The following OTUD4 variants were observed in gnomAD, a reference collection of about 807,000 sequenced individuals.
The protein encoded by OTUD4 is OTU domain-containing protein 4.
In OTUD4, 24 loss-of-function variants were observed where a neutral mutation model predicts 130.4. That is an observed-to-expected ratio of 0.18 (90% CI 0.13 to 0.26). The LOEUF (loss-of-function observed/expected upper bound fraction) is 0.26, where lower values mean the gene tolerates loss of function less well. Ranked by LOEUF, OTUD4 falls within the 10% of genes least tolerant of loss-of-function variation. OTUD4 has a pLI of 1.00. For synonymous variants in OTUD4, 420 were observed against 472.5 expected, an observed-to-expected ratio of 0.89 and a Z score of 1.44; for missense variants, 1,031 against 1,329.4, an observed-to-expected ratio of 0.78 and a Z score of 3.49.
chr4:145,144,785 T>C (rs530115419), intron 14 of OTUD4, among the ~76,000 whole-genome samples: 7 of 152,270 alleles, frequency 4.6e-5, no homozygotes, highest in East Asian at 3.9e-4. Flanking sequence ...AAAAAAATCA[T>C]TGTAGCGCCA....
Position 145,155,180 on chromosome 4 carries a change from T to C in OTUD4, c.873+231A>G, listed in dbSNP as rs530855115. ...GTAATACCAAAGGCTGAATTGTTTT[T>C]AAAGATCATGTGATGGGATGCCACG... On this transcript the variant is annotated intron_variant, in intron 10 of 20. Coordinates refer to ENST00000447906, the MANE Select transcript of OTUD4 (RefSeq NM_001366057.1). Among the ~76,000 whole-genome samples, 40 of 152,348 alleles carry C rather than the reference T, an allele frequency of 2.6e-4. No individual in the cohort carries two copies. In the South Asian group the frequency reaches 8.3e-3, roughly 32 times the overall value.
At chr4:145,161,319 G>A (rs987979331) in intron 6 of OTUD4, among the ~76,000 whole-genome samples, 3 of 152,148 alleles carry the variant, frequency 2.0e-5, no homozygotes, top group Non-Finnish European at 4.4e-5. Context: ...GAGGTGTCCA[G>A]ATTGTGACTA....
In OTUD4 at chr4:145,155,452, T is replaced by C. The variant is rs555763808; in HGVS notation, c.832A>G (p.Ile278Val). The change falls in exon 10 of 21, where the codon ATT becomes GTT. Residue 278 changes from isoleucine (I) to valine (V), a missense_variant. By Grantham distance (29) the Ile-to-Val change is conservative. This residue lies in a region of OTUD4 where 900 missense variants were observed against 1,095.9 expected (regional missense o/e 0.82). Transcript: ENST00000447906. ...KQAQQKRDYS[I>V]AAGLQYEVGD... is the part of the protein sequence containing the mutation. ...ACTTCATATTGTAAGCCAGCAGCAA[T>C]GGAATAATCACGTTTTTGCTGAGCT... 3.7e-5 allele frequency: 60 copies of C among 1,610,660 alleles called. 1 individual carries two copies. The South Asian group carries it at 6.5e-4, about 18-fold the overall frequency.
chr4:145,171,861 C>A, intron 2 of OTUD4, 141 bp from the exon 3 acceptor site: 2 of 620,236 alleles, frequency 3.2e-6, no homozygotes, highest in Admixed American at 3.2e-5. Flanking sequence ...AAAATATGTA[C>A]ATAATCTAAT....
chr4:145,152,896 TTC>T (rs1491175067), intron 10 of OTUD4, among the ~76,000 whole-genome samples: 6 of 151,566 alleles, frequency 4.0e-5, no homozygotes, highest in African/African-American at 1.2e-4. Context: ...TTTTTTTTTT[TTC>T]TTTTTTTTGT....
intron 6 of OTUD4, among the ~76,000 whole-genome samples, chr4:145,160,799 C>G (rs907031413): frequency 6.6e-6 from 1 of 151,888 alleles, no homozygotes; most frequent in Non-Finnish European, 1.5e-5. Flanking sequence ...GGTGACAGAG[C>G]GAGACCCTGT....
At chr4:145,149,554 C>A (rs1194990611) in intron 13 of OTUD4, 1 of 152,136 alleles carries the variant, frequency 6.6e-6, no homozygotes, top group Non-Finnish European at 1.5e-5. Flanking sequence ...TAGCCAACTA[C>A]AGTAGTGAGA....
At chr4:145,176,406 C>T (rs1307591735) in intron 1 of OTUD4, among the ~76,000 whole-genome samples, 1 of 151,716 alleles carries the variant, frequency 6.6e-6, no homozygotes, top group Non-Finnish European at 1.5e-5. Context: ...CAGATCCTGG[C>T]CGGGCACTGT....
In OTUD4 at chr4:145,171,756, C is replaced by T. The variant is rs141328842; in HGVS notation, c.244-36G>A. 1,057 of 919,196 alleles carry T rather than the reference C, an allele frequency of 1.1e-3. 11 individuals are homozygous for T. In the African/African-American group the frequency reaches 0.016, roughly 13 times the overall value. The allele number at this position is 919,196 out of a possible 1,614,324, so 56.9% of individuals were successfully genotyped here. A position where few individuals can be genotyped will look rare whatever the true frequency, so the allele number is the denominator to read the frequency against. ...TAAATCTATTAGAAATGTCATCTAACATATATGCCAAAACAGTTAACCGCT... is the reference window on the plus strand; with the variant it reads ...TAAATCTATTAGAAATGTCATCTAATATATATGCCAAAACAGTTAACCGCT... On this transcript the variant is annotated intron_variant, in intron 2 of 20. Coordinates refer to ENST00000447906, the MANE Select transcript of OTUD4 (RefSeq NM_001366057.1).
At chr4:145,156,098 A>G in intron 7 of OTUD4, 102 bp from the exon 8 acceptor site, 1 of 848,444 alleles carries the variant, frequency 1.2e-6, no homozygotes, top group Non-Finnish European at 1.9e-6. Flanking sequence ...TATGCTCCAA[A>G]AAGAGCTATA....
At chr4:145,172,173 G>T (rs1474854299) in intron 2 of OTUD4, among the ~76,000 whole-genome samples, 1 of 152,228 alleles carries the variant, frequency 6.6e-6, no homozygotes, top group African/African-American at 2.4e-5. Flanking sequence ...GCCCAGGCAG[G>T]ACTTGAAGGC....
chr4:145,165,297 C>T (rs1751792675), intron 3 of OTUD4, 100 bp from the exon 4 acceptor site: 1 of 672,860 alleles, frequency 1.5e-6, no homozygotes, highest in African/African-American at 1.8e-5. Flanking sequence ...GTAATGAGTT[C>T]TTAAAGCTCA....
At position 145,133,708 on chromosome 4, in the gene OTUD4, T is replaced by A. The variant is rs1402539807; in HGVS notation, c.*3722A>T. The A allele has an allele frequency of 1.3e-5, 2 of 152,596 alleles. No individual in the cohort carries two copies. Among genetic ancestry groups the A allele is most frequent in the African/African-American group, 4.8e-5 (2 of 41,444 alleles). The allele number at this position is 152,596 out of a possible 1,614,324, so 9.5% of individuals were successfully genotyped here. On this transcript the variant is annotated 3_prime_UTR_variant, in exon 21 of 21. Coordinates refer to ENST00000447906, the MANE Select transcript of OTUD4 (RefSeq NM_001366057.1). Reference sequence around the variant, plus strand: ...TTATATATAATGCAGCATCACACCATGTAGGGCATTTACTCTTATTTTATA... The same window carrying A: ...TTATATATAATGCAGCATCACACCAAGTAGGGCATTTACTCTTATTTTATA...
intron 6 of OTUD4, among the ~76,000 whole-genome samples, chr4:145,162,427 G>A (rs1050213659): frequency 2.0e-5 from 3 of 151,570 alleles, no homozygotes; most frequent in East Asian, 1.9e-4. Flanking sequence ...TGTGGCGGGC[G>A]CCCGTAGTCC....
rs1183975453 is a variant in OTUD4 at position 145,133,801 on chromosome 4, A to G, written c.*3629T>C. 6.6e-6 allele frequency: 1 copy of G among 152,664 alleles called. No individual in the cohort carries two copies. The highest frequency in any genetic ancestry group is 2.4e-5 in the African/African-American group (1 of 41,464). The allele number at this position is 152,664 out of a possible 1,614,324, so 9.5% of individuals were successfully genotyped here. On this transcript the variant is annotated 3_prime_UTR_variant, in exon 21 of 21. Transcript: ENST00000447906. Reference sequence around the variant, plus strand: ...AACATAGAAAAATAAACAGGAATATATTCAACACTTACAAAAAGTGATATG... The same window carrying G: ...AACATAGAAAAATAAACAGGAATATGTTCAACACTTACAAAAAGTGATATG...
chr4:145,147,887 T>A (rs1232281202), intron 13 of OTUD4, among the ~76,000 whole-genome samples: 6 of 152,224 alleles, frequency 3.9e-5, no homozygotes, highest in Non-Finnish European at 7.3e-5. Flanking sequence ...GCTATAAAAT[T>A]CTAAAATCTG....
At chr4:145,150,169 C>T (rs1400282783) in intron 13 of OTUD4, among the ~76,000 whole-genome samples, 1 of 152,098 alleles carries the variant, frequency 6.6e-6, no homozygotes, top group Non-Finnish European at 1.5e-5. Context: ...ATCCTCACCT[C>T]CCAAGGAAAT....
At chr4:145,170,852 G>A (rs1460748443) in intron 3 of OTUD4, 5 of 152,084 alleles carry the variant, frequency 3.3e-5, no homozygotes, top group East Asian at 1.9e-4. Flanking sequence ...CAGTGAGAAC[G>A]TTAGTTTTGT....
chr4:145,168,641 T>C (rs1325230976), intron 3 of OTUD4, among the ~76,000 whole-genome samples: 2 of 152,108 alleles, frequency 1.3e-5, no homozygotes, highest in Admixed American at 6.5e-5. Flanking sequence ...ATTAGAGAAA[T>C]TCAAGTTAAA....
Sources: gnomAD v4.1 joint callset for allele counts (sites outside exome capture counted in the v4.1 genomes callset) on GRCh38, gnomAD v4.1.1 for gene constraint, gnomAD v4.1.1 regional missense constraint, MANE v1.5 for transcripts, NCBI Gene and HGNC (gene_info 2026-07-23, HGNC 2026-07-21) for gene names.